LRMDA: variants seen among roughly 807,000 people sequenced by gnomAD.
LRMDA encodes the protein leucine-rich melanocyte differentiation-associated protein.
A neutral mutation model predicts 29.8 loss-of-function variants in LRMDA; 18 were observed. That is an observed-to-expected ratio of 0.60 (90% confidence interval 0.42 to 0.90). The LOEUF (loss-of-function observed/expected upper bound fraction) is 0.90. LRMDA is among the 40% of genes least tolerant of loss of function. LRMDA has a pLI of 0.00. For synonymous variants in LRMDA, 125 were observed against 109.4 expected, an observed-to-expected ratio of 1.14 and a Z score of -0.89; for missense variants, 273 against 273.9, an observed-to-expected ratio of 1.00 and a Z score of 0.02.
chr10:76,433,906 G>A (rs1482767975), intron 6 of LRMDA: 1 of 152,194 alleles, frequency 6.6e-6, no homozygotes, highest in Admixed American at 6.5e-5. Context: ...GCATGTCAAG[G>A]TGGAAATTCA....
chr10:76,426,266 G>T (rs1465599328), intron 6 of LRMDA, among the ~76,000 whole-genome samples: 1 of 152,128 alleles, frequency 6.6e-6, no homozygotes, highest in Non-Finnish European at 1.5e-5. Flanking sequence ...AGCACCTGTT[G>T]TTTCCTGACT....
At chr10:75,636,591 T>TA in intron 2 of LRMDA, among the ~76,000 whole-genome samples, 1 of 152,194 alleles carries the variant, frequency 6.6e-6, no homozygotes, top group East Asian at 1.9e-4. Context: ...TAAGAAATAA[T>TA]AAAAAATTAA....
At chr10:76,274,891 CATT>C (rs1268269899) in intron 5 of LRMDA, among the ~76,000 whole-genome samples, 1 of 152,106 alleles carries the variant, frequency 6.6e-6, no homozygotes, top group African/African-American at 2.4e-5. Flanking sequence ...ACATTGTTAT[CATT>C]ATATTGTTAA....
At chr10:76,165,899 A>G (rs1455382110) in intron 5 of LRMDA, among the ~76,000 whole-genome samples, 1 of 152,216 alleles carries the variant, frequency 6.6e-6, no homozygotes, top group Admixed American at 6.5e-5. Context: ...ACACTCATTC[A>G]GCACATATTC....
At chr10:75,899,402 A>G (rs961929103) in intron 2 of LRMDA, among the ~76,000 whole-genome samples, 2 of 152,240 alleles carry the variant, frequency 1.3e-5, no homozygotes, top group African/African-American at 2.4e-5. Flanking sequence ...AGATGTGCCC[A>G]GTGTGCTACG....
Position 76,557,261 on chromosome 10 carries a change from C to T in LRMDA, c.654C>T (p.Asn218=). ...ACTATGGGAAAAACTCAGAGGGCAA[C>T]AGGTTTATCCGAGATGACCAGCTCT... is the stretch of plus-strand genomic sequence containing the variant. ...YVYYGKNSEG[N]RFIRDDQL The change falls in exon 7 of 7, where the codon AAC becomes AAT. Residue 218 remains asparagine, a synonymous_variant. Coordinates refer to ENST00000611255, the MANE Select transcript of LRMDA (RefSeq NM_001305581.2). 6.2e-7 allele frequency: 1 copy of T among 1,614,074 alleles called. No individual in the cohort carries two copies. Among genetic ancestry groups the T allele is most frequent in the Non-Finnish European group, 8.5e-7 (1 of 1,179,968 alleles).
chr10:75,683,058 C>T (rs1344079859), intron 2 of LRMDA, among the ~76,000 whole-genome samples: 1 of 152,160 alleles, frequency 6.6e-6, no homozygotes, highest in Non-Finnish European at 1.5e-5. Context: ...TAGTTGGCCG[C>T]GATGTACATT....
chr10:76,088,434 T>C (rs1376018493), intron 5 of LRMDA, among the ~76,000 whole-genome samples: 1 of 152,180 alleles, frequency 6.6e-6, no homozygotes, highest in African/African-American at 2.4e-5. Flanking sequence ...GTCTACTTTT[T>C]GGAGAAAATA....
rs557352070 is a variant in LRMDA at position 76,081,620 on chromosome 10, G to T, written c.516+22837G>T. Among the ~76,000 whole-genome samples the T allele has an allele frequency of 2.0e-5, 3 of 152,260 alleles. No individual in the cohort carries two copies. The South Asian group carries it at 6.2e-4, about 32-fold the overall frequency. ...CTTTTTAATCCTACTAATTGCCTAA[G>T]ATGAGATGAAAGAAAATTCACCTAT... is the stretch of plus-strand genomic sequence containing the variant. On this transcript the variant is annotated intron_variant, in intron 5 of 6. Transcript: ENST00000611255.
At chr10:76,144,397 A>T (rs2132154920) in intron 5 of LRMDA, among the ~76,000 whole-genome samples, 1 of 152,202 alleles carries the variant, frequency 6.6e-6, no homozygotes, top group Middle Eastern at 3.4e-3. Context: ...CTCCTTGAAG[A>T]GGTCCTTCAC....
intron 2 of LRMDA, among the ~76,000 whole-genome samples, chr10:75,820,643 C>T (rs1276769719): frequency 6.6e-6 from 1 of 151,930 alleles, no homozygotes; most frequent in East Asian, 1.9e-4. Flanking sequence ...CCAGAGCTAG[C>T]AGAAGAAAAG....
intron 2 of LRMDA, among the ~76,000 whole-genome samples, chr10:75,889,283 A>G (rs1845443506): frequency 6.6e-6 from 1 of 152,214 alleles, no homozygotes. Flanking sequence ...TTTCAGGTTC[A>G]AACCTGAAAT....
At chr10:76,509,395 C>T (rs898622845) in intron 6 of LRMDA, among the ~76,000 whole-genome samples, 1 of 152,178 alleles carries the variant, frequency 6.6e-6, no homozygotes, top group African/African-American at 2.4e-5. Flanking sequence ...ATAATCCAGG[C>T]TCACATTTCA....
chr10:76,518,954 T>C (rs1020406834), intron 6 of LRMDA, among the ~76,000 whole-genome samples: 4 of 152,194 alleles, frequency 2.6e-5, no homozygotes, highest in Non-Finnish European at 5.9e-5. Flanking sequence ...AAGTATCACA[T>C]GTTCTCTGAC....
intron 5 of LRMDA, among the ~76,000 whole-genome samples, chr10:76,100,198 G>C (rs571163233): frequency 3.9e-5 from 6 of 152,124 alleles, no homozygotes; most frequent in South Asian, 2.1e-4. Flanking sequence ...TCTGGTAATG[G>C]TGTTGCAGAA....
chr10:76,002,158 C>T (rs1250109345), intron 2 of LRMDA, among the ~76,000 whole-genome samples: 1 of 152,198 alleles, frequency 6.6e-6, no homozygotes, highest in African/African-American at 2.4e-5. Flanking sequence ...TGGGTCCTCA[C>T]ACCCTCACAT....
At chr10:75,904,880 GATT>G (rs1327663519) in intron 2 of LRMDA, among the ~76,000 whole-genome samples, 1 of 152,112 alleles carries the variant, frequency 6.6e-6, no homozygotes, top group African/African-American at 2.4e-5. Context: ...TTGAAAGTTC[GATT>G]ATTAGTGACA....
chr10:75,486,107 GGATTTT>G (rs1178925793), intron 2 of LRMDA, among the ~76,000 whole-genome samples: 1 of 151,948 alleles, frequency 6.6e-6, no homozygotes, highest in Non-Finnish European at 1.5e-5. Flanking sequence ...AGGTATTTTG[GGATTTT>G]GATTTTAATT....
At chr10:75,775,783 C>T (rs1023257342) in intron 2 of LRMDA, among the ~76,000 whole-genome samples, 2 of 152,192 alleles carry the variant, frequency 1.3e-5, no homozygotes, top group African/African-American at 4.8e-5. Context: ...ATGTTCCTGG[C>T]TGTCTTTTCA....
Sources: gnomAD v4.1 joint callset for allele counts (sites outside exome capture counted in the v4.1 genomes callset) on GRCh38, gnomAD v4.1.1 for gene constraint, MANE v1.5 for transcripts, NCBI Gene and HGNC (gene_info 2026-07-23, HGNC 2026-07-21) for gene names.